CTNNA3: variants seen among roughly 807,000 people sequenced by gnomAD.
The protein encoded by CTNNA3 is catenin alpha 3.
CTNNA3 carries 76 observed loss-of-function variants against 95.7 expected under a neutral mutation model. That is an observed-to-expected ratio of 0.79 (90% CI 0.66 to 0.96). The LOEUF is 0.96. Among genes scored for constraint, CTNNA3 ranks in the 40% least tolerant of loss-of-function variants. The pLI is 0.00. For missense variants in CTNNA3, 1,191 were observed against 1,089.8 expected, an observed-to-expected ratio of 1.09 and a Z score of -1.31; for synonymous variants, 431 against 374.4, an observed-to-expected ratio of 1.15 and a Z score of -1.74.
intron 1 of CTNNA3, chr10:67,750,373 A>G: frequency 6.7e-7 from 1 of 1,499,380 alleles, no homozygotes; most frequent in South Asian, 1.1e-5. Flanking sequence ...AAGTGAAAGA[A>G]GTGGTGAAGG....
chr10:66,364,576 C>T (rs1002374206), intron 12 of CTNNA3, among the ~76,000 whole-genome samples: 2 of 151,908 alleles, frequency 1.3e-5, no homozygotes, highest in African/African-American at 2.4e-5. Context: ...AGAATTTTGA[C>T]AATTTGAAAA....
At position 66,679,291 on chromosome 10, in the gene CTNNA3, T is replaced by C. The variant is rs78316021; in HGVS notation, c.1282-57507A>G. On this transcript the variant is annotated intron_variant, in intron 9 of 17. Coordinates refer to ENST00000433211, the MANE Select transcript of CTNNA3 (RefSeq NM_013266.4). ...CATGGACAAATGAATGAATGAATGA[T>C]GAATGATTTTGAGGATACTAGCTTC... Among the ~76,000 whole-genome samples, 1,131 of 152,246 alleles carry C rather than the reference T, an allele frequency of 7.4e-3. 16 individuals are homozygous for C. The highest frequency in any genetic ancestry group is 0.026 in the African/African-American group (1,077 of 41,548).
intron 16 of CTNNA3, among the ~76,000 whole-genome samples, chr10:65,982,299 A>G (rs565084402): frequency 6.6e-6 from 1 of 151,980 alleles, no homozygotes; most frequent in Non-Finnish European, 1.5e-5. Flanking sequence ...ACAACGAGAT[A>G]CCACCTTACT....
chr10:66,956,211 G>T (rs1848784090), intron 7 of CTNNA3, among the ~76,000 whole-genome samples: 2 of 150,500 alleles, frequency 1.3e-5, no homozygotes. Context: ...AAAGGTGATG[G>T]ATAGGCCAGT....
chr10:65,980,792 T>A (rs2078305062), intron 16 of CTNNA3, among the ~76,000 whole-genome samples: 1 of 151,976 alleles, frequency 6.6e-6, no homozygotes, highest in African/African-American at 2.4e-5. Flanking sequence ...AAATCCAGCA[T>A]CCCTTTATGA....
At chr10:67,149,394 G>A (rs1217949332) in intron 7 of CTNNA3, among the ~76,000 whole-genome samples, 3 of 151,968 alleles carry the variant, frequency 2.0e-5, no homozygotes, top group African/African-American at 7.3e-5. Flanking sequence ...GACCATCCTG[G>A]CTAACACGGT....
intron 7 of CTNNA3, among the ~76,000 whole-genome samples, chr10:67,022,330 C>T (rs1005587311): frequency 6.6e-6 from 1 of 151,898 alleles, no homozygotes; most frequent in Non-Finnish European, 1.5e-5. Flanking sequence ...TACACACATG[C>T]CTCTGTGTGT....
intron 5 of CTNNA3, among the ~76,000 whole-genome samples, chr10:67,445,906 G>T (rs1346646370): frequency 6.6e-6 from 1 of 152,020 alleles, no homozygotes; most frequent in Non-Finnish European, 1.5e-5. Context: ...GCTTCCTGAG[G>T]GCAGAGAAAG....
rs528355382 is a variant in CTNNA3, at chr10:66,576,853, T to C, written c.1374+44839A>G. ...TTTCCTTTGGGTGTATACCCAATAGTGGAATTGTTGGGCCAAATGATAGTT... is the reference window on the plus strand; with the variant it reads ...TTTCCTTTGGGTGTATACCCAATAGCGGAATTGTTGGGCCAAATGATAGTT... On this transcript the variant is annotated intron_variant, in intron 10 of 17. Transcript: ENST00000433211. Among the ~76,000 whole-genome samples, 18 of 151,666 alleles carry C rather than the reference T, an allele frequency of 1.2e-4. No individual in the cohort carries two copies. The South Asian group carries it at 3.7e-3, about 32-fold the overall frequency.
chr10:66,385,360 C>T (rs141027766), intron 11 of CTNNA3, among the ~76,000 whole-genome samples: 5,462 of 152,106 alleles, frequency 0.036, 124 homozygotes, highest in Non-Finnish European at 0.05. Context: ...ATAAATTCCT[C>T]GACACATATA....
chr10:66,189,027 G>A (rs1305049574), intron 13 of CTNNA3, among the ~76,000 whole-genome samples: 1 of 151,902 alleles, frequency 6.6e-6, no homozygotes, highest in East Asian at 1.9e-4. Context: ...TACATCTTTG[G>A]AGAAATGTCT....
At chr10:66,730,813 C>G (rs902213974) in intron 9 of CTNNA3, among the ~76,000 whole-genome samples, 1 of 152,150 alleles carries the variant, frequency 6.6e-6, no homozygotes, top group African/African-American at 2.4e-5. Context: ...GAAAAATACA[C>G]TTCTATCTTG....
chr10:65,946,719 A>G (rs2077521828), intron 17 of CTNNA3, among the ~76,000 whole-genome samples: 1 of 152,080 alleles, frequency 6.6e-6, no homozygotes, highest in African/African-American at 2.4e-5. Flanking sequence ...AATCTTTGGC[A>G]TCTATTGTCC....
chr10:67,412,745 A>G (rs1248829882), intron 5 of CTNNA3, among the ~76,000 whole-genome samples: 1 of 152,114 alleles, frequency 6.6e-6, no homozygotes, highest in Non-Finnish European at 1.5e-5. Context: ...AAATTTTTAT[A>G]TCCTACCAAA....
At chr10:66,905,029 C>T (rs759276492) in intron 7 of CTNNA3, among the ~76,000 whole-genome samples, 13 of 152,026 alleles carry the variant, frequency 8.6e-5, no homozygotes, top group Non-Finnish European at 1.5e-4. Context: ...GGGTATATAC[C>T]CAAAGGATTA....
At chr10:66,768,241 T>A (rs1839944536) in intron 8 of CTNNA3, among the ~76,000 whole-genome samples, 1 of 152,200 alleles carries the variant, frequency 6.6e-6, no homozygotes, top group Non-Finnish European at 1.5e-5. Context: ...TATTCTTTTC[T>A]TCTTTCATTC....
At chr10:66,289,135 AT>A (rs2091637473) in intron 12 of CTNNA3, among the ~76,000 whole-genome samples, 1 of 151,928 alleles carries the variant, frequency 6.6e-6, no homozygotes, top group African/African-American at 2.4e-5. Flanking sequence ...TGTTACTTTC[AT>A]TCTAACAAAA....
chr10:67,464,024 T>C (rs1394003448), intron 5 of CTNNA3, among the ~76,000 whole-genome samples: 2 of 152,174 alleles, frequency 1.3e-5, no homozygotes, highest in African/African-American at 4.8e-5. Flanking sequence ...TGAATCATTC[T>C]AAAATACTGT....
intron 1 of CTNNA3, among the ~76,000 whole-genome samples, chr10:67,759,875 T>C (rs550575280): frequency 2.6e-5 from 4 of 152,230 alleles, no homozygotes; most frequent in African/African-American, 9.6e-5. Flanking sequence ...CTAGTTATCT[T>C]AGAAGAGGAC....
Sources: allele counts gnomAD v4.1 joint callset (sites outside exome capture counted in the v4.1 genomes callset), GRCh38; gene constraint gnomAD v4.1.1; transcripts MANE v1.5; gene names NCBI Gene and HGNC (gene_info 2026-07-23, HGNC 2026-07-21).